Variants in ST8SIA1 observed in about 807,000 individuals in gnomAD.
ST8SIA1 encodes alpha-N-acetylneuraminide alpha-2,8-sialyltransferase.
A neutral mutation model predicts 35.9 loss-of-function variants in ST8SIA1; 16 were observed. The ratio of observed to expected loss-of-function variants is 0.45; its 90% CI spans 0.30 to 0.68. The LOEUF (loss-of-function observed/expected upper bound fraction) is 0.68, where lower values mean the gene tolerates loss of function less well. Ranked by LOEUF, ST8SIA1 falls within the 30% of genes least tolerant of loss-of-function variation. ST8SIA1 has a pLI of 0.09. For missense variants in ST8SIA1, 383 were observed against 453.6 expected (o/e 0.84, Z 1.41); for synonymous variants, 170 against 169.6 (o/e 1.00, Z -0.02).
intron 1 of ST8SIA1, among the ~76,000 whole-genome samples, chr12:22,290,913 T>C (rs1242620892): frequency 6.6e-6 from 1 of 152,230 alleles, no homozygotes; most frequent in Non-Finnish European, 1.5e-5. Flanking sequence ...GGAATTCCTT[T>C]TTCATATTCA....
chr12:22,254,422 T>A (rs1376336816), intron 3 of ST8SIA1, among the ~76,000 whole-genome samples: 12 of 152,000 alleles, frequency 7.9e-5, no homozygotes, highest in Non-Finnish European at 1.3e-4. Flanking sequence ...CCTTCACTCA[T>A]CTCAGAGCGC....
intron 2 of ST8SIA1, among the ~76,000 whole-genome samples, chr12:22,258,008 A>G (rs940669370): frequency 2.6e-5 from 4 of 151,828 alleles, no homozygotes; most frequent in Non-Finnish European, 5.9e-5. Context: ...TGACTCCAGA[A>G]TATGTCCAGA....
chr12:22,233,069 AG>A (rs543671341), intron 4 of ST8SIA1, among the ~76,000 whole-genome samples: 1 of 152,206 alleles, frequency 6.6e-6, no homozygotes, highest in African/African-American at 2.4e-5. Flanking sequence ...CAGATTGAAA[AG>A]GTCCACTGCG....
intron 4 of ST8SIA1, among the ~76,000 whole-genome samples, chr12:22,206,286 T>A (rs1447270179): frequency 1.3e-5 from 2 of 152,280 alleles, no homozygotes; most frequent in Non-Finnish European, 2.9e-5. Flanking sequence ...AACCAGAGCA[T>A]GAAGGAACTT....
intron 2 of ST8SIA1, chr12:22,268,702 G>A (rs1865877038): frequency 6.6e-6 from 1 of 152,000 alleles, no homozygotes; most frequent in African/African-American, 2.4e-5. Flanking sequence ...ACTATCATGA[G>A]AACAGCATGA....
chr12:22,321,007 AAAG>A (rs1565596039), intron 1 of ST8SIA1, among the ~76,000 whole-genome samples: 61 of 79,004 alleles, frequency 7.7e-4, no homozygotes, highest in Middle Eastern at 7.0e-3. Flanking sequence ...AAGAAAGAAG[AAAG>A]AAAGAAAGAA....
At chr12:22,213,374 C>A (rs939084685) in intron 4 of ST8SIA1, among the ~76,000 whole-genome samples, 3 of 152,086 alleles carry the variant, frequency 2.0e-5, no homozygotes, top group Admixed American at 6.6e-5. Context: ...TGGGCTATAA[C>A]AATAATAAAA....
At chr12:22,278,741 T>C (rs1467197920) in intron 2 of ST8SIA1, among the ~76,000 whole-genome samples, 3 of 152,192 alleles carry the variant, frequency 2.0e-5, no homozygotes, top group African/African-American at 7.2e-5. Context: ...GTTAAAATTC[T>C]GAAATCTCAA....
At chr12:22,213,662 T>C (rs1865200345) in intron 4 of ST8SIA1, among the ~76,000 whole-genome samples, 3 of 152,136 alleles carry the variant, frequency 2.0e-5, no homozygotes, top group Admixed American at 2.0e-4. Context: ...TTGAGAGCCT[T>C]GGGAGCAGCT....
intron 4 of ST8SIA1, among the ~76,000 whole-genome samples, chr12:22,244,088 A>G (rs1345550816): frequency 6.6e-6 from 1 of 152,154 alleles, no homozygotes; most frequent in African/African-American, 2.4e-5. Context: ...TCCTTTTTAT[A>G]TAGAACTTAC....
chr12:22,213,951 G>T, intron 4 of ST8SIA1, among the ~76,000 whole-genome samples: 1 of 152,152 alleles, frequency 6.6e-6, no homozygotes, highest in Non-Finnish European at 1.5e-5. Context: ...TTCTAGATGT[G>T]AAAGTGGTTT....
intron 1 of ST8SIA1, among the ~76,000 whole-genome samples, chr12:22,326,742 T>C (rs1327887742): frequency 1.3e-5 from 2 of 152,200 alleles, no homozygotes; most frequent in Admixed American, 6.5e-5. Flanking sequence ...TAGCACATTA[T>C]ACTCATTTTT....
intron 4 of ST8SIA1, among the ~76,000 whole-genome samples, chr12:22,212,140 A>G (rs1453746523): frequency 1.3e-5 from 2 of 152,120 alleles, no homozygotes; most frequent in Admixed American, 6.5e-5. Context: ...ACTCATATAA[A>G]TTTTCAAGTT....
intron 2 of ST8SIA1, among the ~76,000 whole-genome samples, chr12:22,256,122 A>G (rs1446387575): frequency 6.6e-6 from 1 of 152,226 alleles, no homozygotes; most frequent in Non-Finnish European, 1.5e-5. Context: ...CAGCGTAAAC[A>G]ACGACACAGA....
chr12:22,333,972 G>A (rs1275279511), intron 1 of ST8SIA1, 25 bp downstream of exon 1: 1 of 1,604,624 alleles, frequency 6.2e-7, no homozygotes, highest in Admixed American at 1.7e-5. Context: ...ACGCTAGAGG[G>A]GAGGAGCCGC....
chr12:22,296,899 G>T (rs552607878), intron 1 of ST8SIA1, among the ~76,000 whole-genome samples: 1 of 152,252 alleles, frequency 6.6e-6, no homozygotes, highest in Admixed American at 6.5e-5. Context: ...ATACTCCACT[G>T]GGCTTTTAGA....
rs1470749575 is a variant in ST8SIA1 at position 22,198,204 on chromosome 12, T to A, written c.*3348A>T. 4 of 152,150 alleles carry A rather than the reference T, an allele frequency of 2.6e-5. No individual in the cohort carries two copies. The highest frequency in any genetic ancestry group is 2.1e-4 in the South Asian group (1 of 4,830). 9.4% of individuals were successfully genotyped at this position (152,150 alleles called of 1,614,324 possible). A position where few individuals can be genotyped will look rare whatever the true frequency, so the allele number is the denominator to read the frequency against. On this transcript the variant is annotated 3_prime_UTR_variant, in exon 5 of 5. Coordinates refer to ENST00000396037, the MANE Select transcript of ST8SIA1 (RefSeq NM_003034.4). ...TTTTATGACTACACAACAATTTTTT[T>A]AATTAGTCTGATGGTACAAAGTGAT...
intron 4 of ST8SIA1, among the ~76,000 whole-genome samples, chr12:22,211,218 A>C (rs552930670): frequency 6.6e-6 from 1 of 152,368 alleles, no homozygotes; most frequent in Non-Finnish European, 1.5e-5. Context: ...ATGTTCAGCT[A>C]TCCAGAAGCT....
At chr12:22,268,946 T>TA (rs1408924636) in intron 2 of ST8SIA1, among the ~76,000 whole-genome samples, 16 of 152,228 alleles carry the variant, frequency 1.1e-4, no homozygotes, top group Admixed American at 7.9e-4. Flanking sequence ...GGTATTAATG[T>TA]AAAAGCTCCT....
Sources: gnomAD v4.1 joint callset for allele counts (sites outside exome capture counted in the v4.1 genomes callset) on GRCh38, gnomAD v4.1.1 for gene constraint, MANE v1.5 for transcripts, NCBI Gene and HGNC (gene_info 2026-07-23, HGNC 2026-07-21) for gene names.